The following PCDH7 variants were observed in gnomAD, a reference collection of about 807,000 sequenced individuals.
PCDH7 encodes protocadherin 7.
Under a neutral mutation model 58.9 loss-of-function variants are expected in PCDH7, and 17 were observed. That is an observed-to-expected ratio of 0.29 (90% CI 0.20 to 0.43). The LOEUF (loss-of-function observed/expected upper bound fraction) is 0.43, where lower values mean the gene tolerates loss of function less well. Ranked by LOEUF, PCDH7 falls within the 20% of genes least tolerant of loss-of-function variation. The pLI, the probability that PCDH7 is intolerant of heterozygous loss-of-function variation, is 1.00. For missense variants in PCDH7, 1,274 were observed against 1,441.0 expected, an observed-to-expected ratio of 0.88 and a Z score of 1.88; for synonymous variants, 664 against 616.4, an observed-to-expected ratio of 1.08 and a Z score of -1.14.
intron 1 of PCDH7, among the ~76,000 whole-genome samples, chr4:30,848,559 A>G (rs903054606): frequency 2.0e-5 from 3 of 152,138 alleles, no homozygotes; most frequent in African/African-American, 7.2e-5. Flanking sequence ...TCTTGACTAA[A>G]TTAGTCTGGC....
At chr4:30,915,734 G>A (rs1343093397) in intron 1 of PCDH7, among the ~76,000 whole-genome samples, 28 of 152,178 alleles carry the variant, frequency 1.8e-4, no homozygotes, top group Non-Finnish European at 1.0e-4. Context: ...ATGTTGGCCA[G>A]GATGGTCTCA....
At chr4:31,112,419 A>G (rs1336413612) in intron 3 of PCDH7, among the ~76,000 whole-genome samples, 3 of 151,912 alleles carry the variant, frequency 2.0e-5, no homozygotes, top group African/African-American at 7.3e-5. Flanking sequence ...CATAAAATCT[A>G]CTATTAGGAC....
At chr4:31,024,245 C>A (rs1051326467) in intron 3 of PCDH7, among the ~76,000 whole-genome samples, 2 of 152,042 alleles carry the variant, frequency 1.3e-5, no homozygotes, top group Non-Finnish European at 2.9e-5. Context: ...TCCTTTAATA[C>A]GTGAAAAAAC....
At chr4:30,729,837 T>C (rs1201599880) in intron 1 of PCDH7, among the ~76,000 whole-genome samples, 1 of 152,032 alleles carries the variant, frequency 6.6e-6, no homozygotes, top group African/African-American at 2.4e-5. Context: ...TTTAGAAGAA[T>C]ATGACATTTT....
chr4:30,935,405 G>A (rs781719627), intron 2 of PCDH7: 8 of 586,648 alleles, frequency 1.4e-5, no homozygotes, highest in Non-Finnish European at 1.7e-5. Context: ...TAGACTAAGA[G>A]TACATGGGTC....
At chr4:30,986,703 C>T (rs1392743068) in intron 3 of PCDH7, among the ~76,000 whole-genome samples, 1 of 151,944 alleles carries the variant, frequency 6.6e-6, no homozygotes, top group African/African-American at 2.4e-5. Context: ...TCTTTATTGG[C>T]CGGTCGCGGT....
At chr4:30,788,188 T>C (rs1342353382) in intron 1 of PCDH7, among the ~76,000 whole-genome samples, 1 of 152,152 alleles carries the variant, frequency 6.6e-6, no homozygotes, top group Non-Finnish European at 1.5e-5. Flanking sequence ...ACCAATAAGT[T>C]ACATGTGCTT....
chr4:30,748,971 T>C (rs906720071), intron 1 of PCDH7, among the ~76,000 whole-genome samples: 4 of 152,162 alleles, frequency 2.6e-5, no homozygotes, highest in Non-Finnish European at 5.9e-5. Flanking sequence ...CTTACAACTA[T>C]GTCATATGAC....
At chr4:31,115,685 A>C (rs1716905938) in intron 3 of PCDH7, among the ~76,000 whole-genome samples, 3 of 152,222 alleles carry the variant, frequency 2.0e-5, no homozygotes, top group Admixed American at 2.0e-4. Context: ...GAATTCTTAG[A>C]AAATACGTAT....
intron 2 of PCDH7, among the ~76,000 whole-genome samples, chr4:30,928,347 A>G (rs1460358563): frequency 6.6e-6 from 1 of 152,188 alleles, no homozygotes; most frequent in Non-Finnish European, 1.5e-5. Context: ...TTTAATAAGT[A>G]AAGTATTTTT....
intron 2 of PCDH7, chr4:30,925,748 A>G (rs1273310052): frequency 6.6e-6 from 1 of 152,176 alleles, no homozygotes; most frequent in Non-Finnish European, 1.5e-5. Context: ...CTTCATAGTA[A>G]TATATAGAGA....
Position 30,828,765 on chromosome 4 carries a change from CT to C in PCDH7, c.71-91387del, listed in dbSNP as rs1729412412. Among the ~76,000 whole-genome samples the C allele has an allele frequency of 2.0e-5, 3 of 152,032 alleles. No homozygotes were observed. The South Asian group carries it at 6.2e-4, about 32-fold the overall frequency. On this transcript the variant is annotated intron_variant, in intron 1 of 3. Transcript: ENST00000509759. ...TATCATGCCTGTGCAATTATGGCTG[CT>C]GAAGGTATTTTCTGGTTTGTCATTT...
chr4:30,962,790 A>AAC (rs1748583841), intron 3 of PCDH7, among the ~76,000 whole-genome samples: 1 of 150,530 alleles, frequency 6.6e-6, no homozygotes, highest in Non-Finnish European at 1.5e-5. Context: ...AAAAAAAAAA[A>AAC]AAAAAAAAAA....
chr4:30,887,201 A>G (rs1737943512), intron 1 of PCDH7, among the ~76,000 whole-genome samples: 1 of 152,200 alleles, frequency 6.6e-6, no homozygotes, highest in African/African-American at 2.4e-5. Context: ...ATGCTAAGGT[A>G]GCTATGACTA....
Position 30,722,619 on chromosome 4 carries a change from C to T in PCDH7, c.1197C>T (p.Ala399=). The change falls in exon 1 of 2, where the codon GCC becomes GCT. Residue 399 remains alanine, a synonymous_variant. Transcript: ENST00000361762. This position sits in a 1 kb window ranked among gnomAD's most constrained non-coding sequence, Gnocchi z 7.6. ...GGCAGCCCCCCAAGACCGACAAGGC[C>T]ACCGTGGTCCTTAACATCAAAGACG... The T allele has an allele frequency of 6.2e-7, 1 of 1,613,390 alleles. No individual in the cohort carries two copies. The highest frequency in any genetic ancestry group is 8.5e-7 in the Non-Finnish European group (1 of 1,180,046).
chr4:30,975,739 A>G (rs1207441308), intron 3 of PCDH7, among the ~76,000 whole-genome samples: 1 of 152,164 alleles, frequency 6.6e-6, no homozygotes, highest in African/African-American at 2.4e-5. Context: ...CTTGGTCCTG[A>G]AAGTTCAATT....
intron 1 of PCDH7, among the ~76,000 whole-genome samples, chr4:30,767,889 C>G (rs1720949948): frequency 1.3e-5 from 2 of 152,136 alleles, no homozygotes; most frequent in Non-Finnish European, 2.9e-5. Flanking sequence ...AAGCCCTGTT[C>G]CATTAAAACC....
chr4:31,131,448 T>C (rs1046061419), intron 3 of PCDH7, among the ~76,000 whole-genome samples: 9 of 152,152 alleles, frequency 5.9e-5, no homozygotes, highest in African/African-American at 2.2e-4. Flanking sequence ...CTAATTGTGA[T>C]TGCCAATTTT....
intron 2 of PCDH7, among the ~76,000 whole-genome samples, chr4:30,922,653 A>G (rs910859651): frequency 6.6e-6 from 1 of 152,172 alleles, no homozygotes; most frequent in African/African-American, 2.4e-5. Context: ...ATTCTTTTTT[A>G]GAACCAAGTT....
Sources: allele counts gnomAD v4.1 joint callset (sites outside exome capture counted in the v4.1 genomes callset), GRCh38; gene constraint gnomAD v4.1.1; non-coding constraint Gnocchi (gnomAD v3.1); transcripts MANE v1.5; gene names NCBI Gene and HGNC (gene_info 2026-07-23, HGNC 2026-07-21).